ZNF274: variants seen among roughly 807,000 people sequenced by gnomAD.
ZNF274 encodes the protein zinc finger protein 274, also known as neurotrophin receptor-interacting factor homolog.
ZNF274 carries 23 observed loss-of-function variants against 42.5 expected under a neutral mutation model. The ratio of observed to expected loss-of-function variants is 0.54; its 90% CI spans 0.39 to 0.77. The LOEUF (loss-of-function observed/expected upper bound fraction) is 0.77, where lower values mean the gene tolerates loss of function less well. Ranked by LOEUF, ZNF274 falls within the 30% of genes least tolerant of loss-of-function variation. The pLI is 0.00. For missense variants in ZNF274, 679 were observed against 806.5 expected, an observed-to-expected ratio of 0.84 and a Z score of 1.91; for synonymous variants, 292 against 305.4, an observed-to-expected ratio of 0.96 and a Z score of 0.46.
chr19:58,199,722 G>T (rs2075887509), intron 4 of ZNF274, among the ~76,000 whole-genome samples: 1 of 152,156 alleles, frequency 6.6e-6, no homozygotes, highest in Non-Finnish European at 1.5e-5. Flanking sequence ...CAAAAAGAAA[G>T]AAAAAGCTTT....
rs200815131 is a variant in ZNF274 at position 58,212,411 on chromosome 19, T to C, written c.1230T>C (p.Gly410=). 1.2e-6 allele frequency: 2 copies of C among 1,613,024 alleles called. No individual in the cohort carries two copies. The highest frequency in any genetic ancestry group is 1.3e-5 in the African/African-American group (1 of 74,712). Reference sequence around the variant, plus strand: ...ACCGTGAGTCCCAGGCAAACAGTGGTGCTCTTGACACAAACCAAGTTTCGC... The same window carrying C: ...ACCGTGAGTCCCAGGCAAACAGTGGCGCTCTTGACACAAACCAAGTTTCGC... ...FDNRESQANS[G]ALDTNQVSLQ... The change falls in exon 8 of 8, where the codon GGT becomes GGC. Residue 410 remains glycine (G), a synonymous_variant. Coordinates refer to ENST00000617501, the MANE Select transcript of ZNF274 (RefSeq NM_133502.3). The surrounding 1 kb of genome is among the most constrained non-coding windows in gnomAD (Gnocchi z 4.6).
chr19:58,197,296 CAA>C (rs1023724165), intron 4 of ZNF274, among the ~76,000 whole-genome samples: 7 of 152,128 alleles, frequency 4.6e-5, no homozygotes, highest in African/African-American at 1.7e-4. Flanking sequence ...TCTGTGCAGA[CAA>C]ATGACCAGCC....
At chr19:58,210,685 A>G (rs2076029653) in intron 6 of ZNF274, 1 of 152,536 alleles carries the variant, frequency 6.6e-6, no homozygotes, top group African/African-American at 2.4e-5. Context: ...TCTCTGGCCA[A>G]CCTGTTTCAT....
chr19:58,204,750 A>G (rs2075962379), intron 4 of ZNF274, among the ~76,000 whole-genome samples: 2 of 152,058 alleles, frequency 1.3e-5, no homozygotes. Flanking sequence ...CCGTTCTTCC[A>G]GTTTTGTCCT....
chr19:58,188,891 AAAAAAT>A (rs1032068521), intron 4 of ZNF274, among the ~76,000 whole-genome samples: 1 of 151,126 alleles, frequency 6.6e-6, no homozygotes, highest in African/African-American at 2.4e-5. Context: ...TCTCAAAAAA[AAAAAAT>A]TAAAAATCCT....
intron 4 of ZNF274, among the ~76,000 whole-genome samples, chr19:58,195,050 T>A (rs2075825156): frequency 6.6e-6 from 1 of 150,822 alleles, no homozygotes; most frequent in South Asian, 2.1e-4. Context: ...ATACAAAAAT[T>A]AACTGGGCAT....
At chr19:58,194,452 C>T (rs1295945918) in intron 4 of ZNF274, among the ~76,000 whole-genome samples, 1 of 132,410 alleles carries the variant, frequency 7.6e-6, no homozygotes, top group Non-Finnish European at 1.6e-5. Context: ...CATCTCACAT[C>T]ACTGCAACCT....
chr19:58,213,073 G>C lies in ZNF274; in HGVS notation c.1892G>C (p.Ser631Thr). The change falls in exon 8 of 8, where the codon AGC becomes ACC. Residue 631 changes from serine to threonine, a missense_variant. Ser to Thr is a moderately conservative substitution (Grantham distance 58, BLOSUM62 1). This residue lies in a region of ZNF274 where 456 missense variants were observed against 590.1 expected (regional missense o/e 0.77). Transcript: ENST00000617501. ...AAATGTGGAAAGGCCTTCACCCAGA[G>C]CTCACACCTTATTGGGCACCAGAGA... ...CNKCGKAFTQSSHLIGHQRTH... is the reference protein window; with the variant it reads ...CNKCGKAFTQTSHLIGHQRTH... 6.2e-7 allele frequency: 1 copy of C among 1,614,054 alleles called. No homozygotes were observed. Among genetic ancestry groups the C allele is most frequent in the Non-Finnish European group, 8.5e-7 (1 of 1,179,942 alleles).
intron 1 of ZNF274, 134 bp from the exon 2 acceptor site, chr19:58,183,787 T>G: frequency 1.6e-6 from 1 of 614,868 alleles, no homozygotes. Context: ...GTCCTATGAC[T>G]CACTCTGGGC....
intron 4 of ZNF274, among the ~76,000 whole-genome samples, chr19:58,203,750 C>T (rs1475812428): frequency 6.6e-6 from 1 of 152,090 alleles, no homozygotes; most frequent in Non-Finnish European, 1.5e-5. Context: ...AGAGGCCAAG[C>T]CCCCAAAATG....
chr19:58,200,441 AAG>A (rs1297144827), intron 4 of ZNF274, among the ~76,000 whole-genome samples: 2 of 152,214 alleles, frequency 1.3e-5, no homozygotes, highest in Admixed American at 6.5e-5. Flanking sequence ...GAGTGTTGGA[AAG>A]AGAAGGAAAC....
chr19:58,201,161 C>T (rs991573357), intron 4 of ZNF274, among the ~76,000 whole-genome samples: 8 of 149,182 alleles, frequency 5.4e-5, no homozygotes, highest in Non-Finnish European at 4.4e-5. Flanking sequence ...CATGCCGCTA[C>T]GCCTGGCTAA....
Position 58,212,509 on chromosome 19 carries a change from A to C in ZNF274, c.1328A>C (p.Lys443Thr), listed in dbSNP as rs1348200423. ...ALDTNQVLLH[K>T]IPPRKRLRKR... is the part of the protein sequence containing the mutation. Reference sequence around the variant, plus strand: ...GACACAAACCAAGTTTTGCTCCACAAAATTCCTCCTAGAAAACGATTGCGC... The same window carrying C: ...GACACAAACCAAGTTTTGCTCCACACAATTCCTCCTAGAAAACGATTGCGC... The change falls in exon 8 of 8, where the codon AAA (lysine) becomes ACA (threonine). Residue 443 changes from lysine to threonine, a missense_variant. Physicochemically the swap from Lys to Thr is moderately conservative, Grantham distance 78 (BLOSUM62 -1). Around this residue, in one of 2 missense-constraint regions of ZNF274, gnomAD observed 456 missense variants for 590.1 expected, o/e 0.77. Transcript: ENST00000617501. This position sits in a 1 kb window ranked among gnomAD's most constrained non-coding sequence, Gnocchi z 4.6. 1.2e-6 allele frequency: 2 copies of C among 1,613,926 alleles called. No homozygotes were observed. The highest frequency in any genetic ancestry group is 2.7e-5 in the African/African-American group (2 of 74,940).
chr19:58,207,320 T>TA lies in ZNF274; in HGVS notation c.739+119dup. 7.0e-7 allele frequency: 1 copy of TA among 1,431,426 alleles called. No individual in the cohort carries two copies. Among genetic ancestry groups the TA allele is most frequent in the South Asian group, 1.5e-5 (1 of 67,244 alleles). The allele number at this position is 1,431,426 out of a possible 1,614,324, so 88.7% of individuals were successfully genotyped here. A position where few individuals can be genotyped will look rare whatever the true frequency, so the allele number is the denominator to read the frequency against. ...CATGGGAAGGATTGTGTCCGCTCCA[T>TA]ACAGACCAAGGACATCCATGTTGCC... On this transcript the variant is annotated intron_variant, in intron 5 of 7. Transcript: ENST00000617501. This position sits in a 1 kb window ranked among gnomAD's most constrained non-coding sequence, Gnocchi z 5.6.
intron 4 of ZNF274, among the ~76,000 whole-genome samples, chr19:58,188,401 A>G (rs577791074): frequency 1.3e-5 from 2 of 150,438 alleles, no homozygotes; most frequent in African/African-American, 4.9e-5. Flanking sequence ...CAGGCAGATC[A>G]TTTGAAGTCG....
At chr19:58,187,644 C>T (rs1335601939) in intron 4 of ZNF274, among the ~76,000 whole-genome samples, 1 of 152,180 alleles carries the variant, frequency 6.6e-6, no homozygotes, top group African/African-American at 2.4e-5. Flanking sequence ...TCTTGAACTC[C>T]TGAGCTCAAG....
chr19:58,195,986 A>G (rs2146213151), intron 4 of ZNF274, among the ~76,000 whole-genome samples: 1 of 152,312 alleles, frequency 6.6e-6, no homozygotes, highest in East Asian at 1.9e-4. Flanking sequence ...TAGAAGGGAA[A>G]CAAATGCTAG....
At chr19:58,188,613 AAAAAAAAATAT>A (rs1271762991) in intron 4 of ZNF274, among the ~76,000 whole-genome samples, 32 of 68,462 alleles carry the variant, frequency 4.7e-4, no homozygotes, top group African/African-American at 2.4e-3. Context: ...CTCAAAAAAA[AAAAAAAAATAT>A]ATATATATAT....
chr19:58,198,088 T>C (rs1568703525), intron 4 of ZNF274, among the ~76,000 whole-genome samples: 1 of 150,776 alleles, frequency 6.6e-6, no homozygotes, highest in African/African-American at 2.4e-5. Flanking sequence ...CCATCAACAG[T>C]CCTATAGAAA....
Sources: allele counts gnomAD v4.1 joint callset (sites outside exome capture counted in the v4.1 genomes callset), GRCh38; gene constraint gnomAD v4.1.1; regional missense constraint gnomAD v4.1.1; non-coding constraint Gnocchi (gnomAD v3.1); transcripts MANE v1.5; gene names NCBI Gene and HGNC (gene_info 2026-07-23, HGNC 2026-07-21).